The following SDK1 variants were observed in gnomAD, a reference collection of about 807,000 sequenced individuals.
The protein encoded by SDK1 is sidekick cell adhesion molecule 1, also known as protein sidekick-1.
A neutral mutation model predicts 245.5 loss-of-function variants in SDK1; 157 were observed. That is an observed-to-expected ratio of 0.64 (90% CI 0.56 to 0.73). The LOEUF (loss-of-function observed/expected upper bound fraction) is 0.73, where lower values mean the gene tolerates loss of function less well. Ranked by LOEUF, SDK1 falls within the 30% of genes least tolerant of loss-of-function variation. The pLI, the probability that SDK1 is intolerant of heterozygous loss-of-function variation, is 0.00. For missense variants in SDK1, 3,583 were observed against 3,002.3 expected (o/e 1.19, Z -4.52); for synonymous variants, 1,647 against 1,278.5 (o/e 1.29, Z -6.15).
intron 5 of SDK1, among the ~76,000 whole-genome samples, chr7:3,937,876 C>T (rs377623161): frequency 2.5e-4 from 38 of 152,084 alleles, no homozygotes; most frequent in African/African-American, 6.8e-4. Context: ...CTCACTCTGT[C>T]GCCCAGACTG....
At chr7:3,558,966 T>A (rs1201125287) in intron 1 of SDK1, among the ~76,000 whole-genome samples, 1 of 152,224 alleles carries the variant, frequency 6.6e-6, no homozygotes, top group African/African-American at 2.4e-5. Context: ...TTAGATTGTT[T>A]GAAAGAAGGC....
chr7:3,852,476 G>A (rs140989497), intron 5 of SDK1, among the ~76,000 whole-genome samples: 7,900 of 151,322 alleles, frequency 0.052, 312 homozygotes, highest in Non-Finnish European at 0.077. Flanking sequence ...GGCCGGGCAC[G>A]GTGGCTCACA....
intron 1 of SDK1, among the ~76,000 whole-genome samples, chr7:3,499,306 A>G (rs1199500214): frequency 6.6e-6 from 1 of 152,226 alleles, no homozygotes; most frequent in Admixed American, 6.5e-5. Context: ...CTAACTTGCT[A>G]TATTAAAATA....
intron 1 of SDK1, among the ~76,000 whole-genome samples, chr7:3,306,964 T>A (rs1483045827): frequency 6.6e-6 from 1 of 152,088 alleles, no homozygotes; most frequent in Non-Finnish European, 1.5e-5. Context: ...GTTATGAGAG[T>A]AGACCTCCAG....
chr7:3,689,293 A>C (rs924874940), intron 4 of SDK1, among the ~76,000 whole-genome samples: 3 of 152,038 alleles, frequency 2.0e-5, no homozygotes, highest in African/African-American at 7.2e-5. Flanking sequence ...TGTCAGCCCG[A>C]GCCATTGGAG....
intron 35 of SDK1, among the ~76,000 whole-genome samples, chr7:4,202,260 TATTC>T (rs907372054): frequency 6.6e-6 from 1 of 152,180 alleles, no homozygotes; most frequent in Admixed American, 6.5e-5. Flanking sequence ...CCCTGGTTAA[TATTC>T]AGGAGGATTT....
chr7:3,751,482 G>A (rs970841091), intron 4 of SDK1, among the ~76,000 whole-genome samples: 4 of 151,996 alleles, frequency 2.6e-5, no homozygotes, highest in Non-Finnish European at 5.9e-5. Flanking sequence ...AGGGAGGAAT[G>A]GGGAGCAGGG....
intron 1 of SDK1, among the ~76,000 whole-genome samples, chr7:3,415,299 T>C (rs7808934): frequency 0.76 from 115,212 of 152,088 alleles, 43,951 homozygotes; most frequent in South Asian, 0.84. Context: ...GACACATAAA[T>C]GTGTCAGGAG....
intron 1 of SDK1, among the ~76,000 whole-genome samples, chr7:3,598,503 A>C (rs1346885475): frequency 6.6e-6 from 1 of 152,210 alleles, no homozygotes; most frequent in Non-Finnish European, 1.5e-5. Context: ...ATGTTACAAA[A>C]GTATAATACG....
rs540877197 is a variant in SDK1, at chr7:3,313,631, T to TA, written c.298+11748dup. 5.8e-4 allele frequency among the ~76,000 whole-genome samples: 89 copies of TA among 152,316 alleles called. 1 individual carries two copies. The highest frequency in any genetic ancestry group is 2.0e-3 in the African/African-American group (84 of 41,556). On this transcript the variant is annotated intron_variant, in intron 1 of 44. Transcript: ENST00000404826. The stretch of plus-strand genomic sequence containing the variant: ...CAGCAGTTTCCACTACAAGTACTCA[T>TA]ACTGCAGATTAACGGATTAGCGAGA...
At chr7:4,022,535 G>C (rs1786982956) in intron 17 of SDK1, among the ~76,000 whole-genome samples, 1 of 152,158 alleles carries the variant, frequency 6.6e-6, no homozygotes, top group Non-Finnish European at 1.5e-5. Flanking sequence ...CTGGGCTGAG[G>C]GAGGGAAGGG....
At chr7:3,910,596 C>G (rs957844745) in intron 5 of SDK1, among the ~76,000 whole-genome samples, 1 of 152,172 alleles carries the variant, frequency 6.6e-6, no homozygotes, top group South Asian at 2.1e-4. Context: ...CTAAGAAGGT[C>G]TTCCTGAGAC....
chr7:4,225,644 C>A (rs376461312), intron 40 of SDK1, among the ~76,000 whole-genome samples: 2 of 152,150 alleles, frequency 1.3e-5, no homozygotes, highest in East Asian at 3.9e-4. Flanking sequence ...GCAGGCCGTG[C>A]GGATTAGAAG....
At chr7:4,171,383 G>A (rs958249490) in intron 32 of SDK1, among the ~76,000 whole-genome samples, 2 of 152,222 alleles carry the variant, frequency 1.3e-5, no homozygotes, top group Non-Finnish European at 2.9e-5. Flanking sequence ...GGGAGGGAGC[G>A]GGTATCCAGA....
chr7:3,539,029 A>G (rs1562549225), intron 1 of SDK1, among the ~76,000 whole-genome samples: 1 of 152,188 alleles, frequency 6.6e-6, no homozygotes, highest in Non-Finnish European at 1.5e-5. Flanking sequence ...TTCATAGGAA[A>G]GAGTGTCTGG....
intron 1 of SDK1, among the ~76,000 whole-genome samples, chr7:3,340,430 C>A (rs761006607): frequency 6.6e-6 from 1 of 152,068 alleles, no homozygotes; most frequent in Non-Finnish European, 1.5e-5. Flanking sequence ...CTGAAAGCAG[C>A]GTTGTCACTA....
At chr7:3,677,980 T>A (rs1435987519) in intron 4 of SDK1, among the ~76,000 whole-genome samples, 1 of 152,164 alleles carries the variant, frequency 6.6e-6, no homozygotes, top group African/African-American at 2.4e-5. Flanking sequence ...AGAGAAGATA[T>A]ACAAAAGGTC....
At chr7:3,340,543 A>G (rs1388618930) in intron 1 of SDK1, among the ~76,000 whole-genome samples, 2 of 152,178 alleles carry the variant, frequency 1.3e-5, no homozygotes, top group Non-Finnish European at 2.9e-5. Flanking sequence ...TGGGTGGCTC[A>G]CGAGCTCAGG....
chr7:3,310,214 C>T (rs1204604889), intron 1 of SDK1, among the ~76,000 whole-genome samples: 1 of 152,178 alleles, frequency 6.6e-6, no homozygotes, highest in African/African-American at 2.4e-5. Context: ...TTGCTTCAGA[C>T]CCTCAAAGAT....
Sources: allele counts gnomAD v4.1 joint callset (sites outside exome capture counted in the v4.1 genomes callset), GRCh38; gene constraint gnomAD v4.1.1; transcripts MANE v1.5; gene names NCBI Gene and HGNC (gene_info 2026-07-23, HGNC 2026-07-21).